Variants in CD9 observed in about 807,000 individuals in gnomAD.
The protein encoded by CD9 is CD9 antigen.
Under a neutral mutation model 31.4 loss-of-function variants are expected in CD9, and 10 were observed. The ratio of observed to expected loss-of-function variants is 0.32; its 90% CI spans 0.20 to 0.54. The LOEUF is 0.54. Ranked by LOEUF, CD9 falls within the 20% of genes least tolerant of loss-of-function variation. The pLI, the probability that CD9 is intolerant of heterozygous loss-of-function variation, is 0.94. For missense variants in CD9, 259 were observed against 300.1 expected (o/e 0.86, Z 1.01); for synonymous variants, 113 against 114.1 (o/e 0.99, Z 0.06).
At chr12:6,206,085 G>T (rs546610912) in intron 1 of CD9, 1 of 151,636 alleles carries the variant, frequency 6.6e-6, no homozygotes, top group African/African-American at 2.4e-5. Context: ...GAAAATCTGG[G>T]TGAGAGCCTG....
At chr12:6,234,227 A>G (rs973714360) in intron 4 of CD9, 1 of 151,868 alleles carries the variant, frequency 6.6e-6, no homozygotes, top group Admixed American at 6.6e-5. Flanking sequence ...TTGGACCAGG[A>G]TGGGCCATAT....
intron 1 of CD9, among the ~76,000 whole-genome samples, chr12:6,224,799 C>G (rs2031514706): frequency 6.6e-6 from 1 of 152,116 alleles, no homozygotes; most frequent in Admixed American, 6.5e-5. Flanking sequence ...CCTGGCATGT[C>G]ATTTACTGAG....
intron 1 of CD9, among the ~76,000 whole-genome samples, chr12:6,221,813 CAAAAAAAA>C (rs34034952): frequency 4.8e-5 from 3 of 62,062 alleles, no homozygotes; most frequent in East Asian, 4.6e-4. Flanking sequence ...CCTGGCTCTA[CAAAAAAAA>C]AAAAAAAAAA....
chr12:6,230,085 G>A (rs1441714631), intron 2 of CD9, among the ~76,000 whole-genome samples: 2 of 152,170 alleles, frequency 1.3e-5, no homozygotes, highest in Admixed American at 1.3e-4. Context: ...GTAAAAACCA[G>A]CCCGAGCCCT....
chr12:6,220,660 G>A (rs567754926), intron 1 of CD9, among the ~76,000 whole-genome samples: 18 of 152,350 alleles, frequency 1.2e-4, no homozygotes, highest in African/African-American at 4.1e-4. Flanking sequence ...AGTGGAGCAG[G>A]TTCTTGAAGG....
chr12:6,235,323 A>C lies in CD9; in HGVS notation c.443A>C (p.Tyr148Ser). ...PQRETLKAIH[Y>S]ALNCCGLAGG... Reference sequence around the variant, plus strand: ...CGGGAAACGCTGAAAGCCATCCACTATGCGGTATGTCGCCTTGGCAAAGAC... The same window carrying C: ...CGGGAAACGCTGAAAGCCATCCACTCTGCGGTATGTCGCCTTGGCAAAGAC... Residue 148 changes from tyrosine to serine, a missense_variant, in exon 5 of 8, where the codon TAT (tyrosine) becomes TCT (serine). By Grantham distance (144) the Tyr-to-Ser change is moderately radical. Coordinates refer to ENST00000009180, the MANE Select transcript of CD9 (RefSeq NM_001769.4). 1 of 1,614,236 alleles carries C rather than the reference A, an allele frequency of 6.2e-7. No homozygotes were observed. The highest frequency in any genetic ancestry group is 8.5e-7 in the Non-Finnish European group (1 of 1,180,026).
At chr12:6,229,269 C>G (rs890526001) in intron 2 of CD9, among the ~76,000 whole-genome samples, 1 of 152,216 alleles carries the variant, frequency 6.6e-6, no homozygotes, top group African/African-American at 2.4e-5. Context: ...GGCCAGCCCC[C>G]TATCCATGAT....
intron 1 of CD9, among the ~76,000 whole-genome samples, chr12:6,212,509 A>AC (rs1946203636): frequency 6.6e-6 from 1 of 152,036 alleles, no homozygotes; most frequent in South Asian, 2.1e-4. Flanking sequence ...AGGTGGTGGC[A>AC]CCCCCAGGCT....
intron 1 of CD9, among the ~76,000 whole-genome samples, chr12:6,209,737 T>C (rs1006206963): frequency 3.4e-5 from 5 of 145,660 alleles, no homozygotes; most frequent in African/African-American, 1.3e-4. Flanking sequence ...CAGGCTGGAG[T>C]GTAGTGGCAC....
chr12:6,237,885 T>TGTTG lies in CD9; in HGVS notation c.*60_*61insGGTT. 7.6e-7 allele frequency: 1 copy of TGTTG among 1,322,266 alleles called. No individual in the cohort carries two copies. The highest frequency in any genetic ancestry group is 1.1e-6 in the Non-Finnish European group (1 of 919,380). 81.9% of individuals were successfully genotyped at this position (1,322,266 alleles called of 1,614,324 possible). A position where few individuals can be genotyped will look rare whatever the true frequency, so the allele number is the denominator to read the frequency against. ...ACCCATGAAGATTGGTGGGATTTTT[T>TGTTG]GTTTGTTTGTTTTGTTTTGTTTGTT... On this transcript the variant is annotated 3_prime_UTR_variant, in exon 8 of 8. Coordinates refer to ENST00000009180, the MANE Select transcript of CD9 (RefSeq NM_001769.4).
intron 1 of CD9, among the ~76,000 whole-genome samples, chr12:6,208,224 CAAAA>C (rs574714065): frequency 1.0e-5 from 1 of 96,468 alleles, no homozygotes; most frequent in East Asian, 3.0e-4. Context: ...AACTCCATCT[CAAAA>C]AAAAAAAAAA....
chr12:6,223,999 G>GGGGCATGTGGC (rs1238379160), intron 1 of CD9, among the ~76,000 whole-genome samples: 5 of 152,086 alleles, frequency 3.3e-5, no homozygotes, highest in African/African-American at 7.2e-5. Context: ...GTCCAGCCGC[G>GGGGCATGTGGC]GGGCATGTGG....
At chr12:6,223,193 C>A (rs574862104) in intron 1 of CD9, among the ~76,000 whole-genome samples, 64 of 152,092 alleles carry the variant, frequency 4.2e-4, no homozygotes, top group Non-Finnish European at 9.0e-4. Context: ...CTTCAGTCTT[C>A]CATTCCCAGG....
chr12:6,235,360 C>A, intron 5 of CD9, 33 bp downstream of exon 5: 2 of 1,614,204 alleles, frequency 1.2e-6, no homozygotes, highest in Non-Finnish European at 8.5e-7. Flanking sequence ...CCCTCCTGCG[C>A]TTTCTCCGGA....
At chr12:6,206,222 C>CT (rs1251667675) in intron 1 of CD9, 96 of 143,178 alleles carry the variant, frequency 6.7e-4, no homozygotes, top group African/African-American at 7.4e-4. Flanking sequence ...TTCTTTCTTT[C>CT]TTTTTTTTTT....
intron 1 of CD9, among the ~76,000 whole-genome samples, chr12:6,207,706 G>C (rs1051405718): frequency 1.3e-5 from 2 of 152,246 alleles, no homozygotes; most frequent in African/African-American, 4.8e-5. Flanking sequence ...CCAAGGAGTT[G>C]AGAAGCAGCC....
Position 6,233,396 on chromosome 12 carries a change from C to T in CD9, c.274-16C>T. 5 of 1,609,404 alleles carry T rather than the reference C, an allele frequency of 3.1e-6. No individual in the cohort carries two copies. The highest frequency in any genetic ancestry group is 4.3e-6 in the Non-Finnish European group (5 of 1,175,656). ...GGCTGGGACTGTTCTCACCCCGTCC[C>T]CTCGTTGCCTTCCAGTTCTTCGGCT... On this transcript the variant is annotated splice_polypyrimidine_tract_variant and intron_variant, in intron 3 of 7. Coordinates refer to ENST00000009180, the MANE Select transcript of CD9 (RefSeq NM_001769.4).
intron 1 of CD9, among the ~76,000 whole-genome samples, chr12:6,201,964 G>A (rs1208472615): frequency 6.6e-6 from 1 of 152,210 alleles, no homozygotes; most frequent in Non-Finnish European, 1.5e-5. Flanking sequence ...CATGAGCCTG[G>A]GAGGTCAAGG....
intron 2 of CD9, among the ~76,000 whole-genome samples, chr12:6,228,450 G>T (rs1946397237): frequency 6.6e-6 from 1 of 151,508 alleles, no homozygotes; most frequent in South Asian, 2.1e-4. Flanking sequence ...TACTCGGGAG[G>T]CTGAGGCACA....
Sources: allele counts gnomAD v4.1 joint callset (sites outside exome capture counted in the v4.1 genomes callset), GRCh38; gene constraint gnomAD v4.1.1; transcripts MANE v1.5; gene names NCBI Gene and HGNC (gene_info 2026-07-23, HGNC 2026-07-21).